The following RBFOX1 variants were observed in gnomAD, a reference collection of about 807,000 sequenced individuals.
RBFOX1 encodes RNA binding protein fox-1 homolog 1.
In RBFOX1, 8 loss-of-function variants were observed where a neutral mutation model predicts 57.7. The ratio of observed to expected loss-of-function variants is 0.14; its 90% confidence interval spans 0.08 to 0.25. The LOEUF (loss-of-function observed/expected upper bound fraction) is 0.25. Ranked by LOEUF, RBFOX1 falls within the 10% of genes least tolerant of loss-of-function variation. The probability of loss-of-function intolerance (pLI) is 1.00; values close to 1 mark genes in which losing one functional copy is unlikely to be tolerated. For missense variants in RBFOX1, 611 were observed against 548.5 expected (o/e 1.11, Z -1.14); for synonymous variants, 326 against 222.4 (o/e 1.47, Z -4.15).
chr16:7,054,328 C>G (rs2051281721), intron 4 of RBFOX1, among the ~76,000 whole-genome samples: 1 of 141,402 alleles, frequency 7.1e-6, no homozygotes, highest in African/African-American at 2.6e-5. Flanking sequence ...CAACCTCTGA[C>G]TCCCTGGTTT....
intron 3 of RBFOX1, among the ~76,000 whole-genome samples, chr16:6,843,797 A>G (rs147020949): frequency 6.9e-4 from 105 of 152,332 alleles, no homozygotes; most frequent in African/African-American, 2.4e-3. Flanking sequence ...TTCCATGCCA[A>G]AAGAAATAAC....
intron 1 of RBFOX1, among the ~76,000 whole-genome samples, chr16:5,372,670 G>T (rs192376615): frequency 6.6e-6 from 1 of 152,242 alleles, no homozygotes; most frequent in East Asian, 1.9e-4. Context: ...GAACAGAATC[G>T]GCTTTGCAAG....
At chr16:7,615,661 C>G (rs909963011) in intron 10 of RBFOX1, among the ~76,000 whole-genome samples, 2 of 152,034 alleles carry the variant, frequency 1.3e-5, no homozygotes, top group African/African-American at 4.8e-5. Context: ...AGTGACCTTT[C>G]TCTTAGGGGA....
chr16:5,947,282 C>T lies in RBFOX1; in HGVS notation c.351+79947C>T, dbSNP rs984949952. On this transcript the variant is annotated intron_variant, in intron 4 of 19. Transcript: ENST00000641259. The surrounding 1 kb of genome is among the most constrained non-coding windows in gnomAD (Gnocchi z 7.2). Reference sequence around the variant, plus strand: ...AGCACAGTGGGTAAGGAGGAGGTGGCCAAGCTGAGGTCAGAGGGGGAGGTC... The same window carrying T: ...AGCACAGTGGGTAAGGAGGAGGTGGTCAAGCTGAGGTCAGAGGGGGAGGTC... Among the ~76,000 whole-genome samples the T allele has an allele frequency of 1.2e-4, 19 of 152,080 alleles. No homozygotes were observed. Among genetic ancestry groups the T allele is most frequent in the Admixed American group, 1.2e-3 (19 of 15,272 alleles).
chr16:7,093,630 AG>A (rs1326229628), intron 4 of RBFOX1, among the ~76,000 whole-genome samples: 2 of 152,088 alleles, frequency 1.3e-5, no homozygotes, highest in Non-Finnish European at 1.5e-5. Flanking sequence ...AATGAATGGG[AG>A]CTCATTTGTG....
intron 4 of RBFOX1, among the ~76,000 whole-genome samples, chr16:7,430,152 C>G (rs1598259391): frequency 1.3e-5 from 2 of 152,232 alleles, no homozygotes; most frequent in South Asian, 4.1e-4. Flanking sequence ...ATGAGCTTAT[C>G]ATTAATCTAG....
chr16:6,720,563 C>T (rs2065781689), intron 3 of RBFOX1, among the ~76,000 whole-genome samples: 1 of 152,128 alleles, frequency 6.6e-6, no homozygotes, highest in African/African-American at 2.4e-5. Flanking sequence ...AGGCCCTGAG[C>T]TGGAAGGAGC....
At chr16:7,663,653 C>T (rs573389015) in intron 12 of RBFOX1, among the ~76,000 whole-genome samples, 1 of 152,122 alleles carries the variant, frequency 6.6e-6, no homozygotes, top group South Asian at 2.1e-4. Flanking sequence ...CAGCTTCATT[C>T]AATGGTGGGG....
chr16:7,567,563 C>T (rs1261548816), intron 5 of RBFOX1, among the ~76,000 whole-genome samples: 3 of 84,318 alleles, frequency 3.6e-5, no homozygotes, highest in Non-Finnish European at 5.6e-5. Context: ...CTATATATGG[C>T]CCTATATATA....
At chr16:6,895,420 G>A (rs1339237872) in intron 3 of RBFOX1, among the ~76,000 whole-genome samples, 20 of 33,848 alleles carry the variant, frequency 5.9e-4, no homozygotes, top group African/African-American at 1.3e-3. Flanking sequence ...AGTAATATAT[G>A]TGTGTGTGTG....
At chr16:6,452,745 A>T (rs1425984822) in intron 2 of RBFOX1, among the ~76,000 whole-genome samples, 5 of 152,160 alleles carry the variant, frequency 3.3e-5, no homozygotes, top group African/African-American at 9.7e-5. Flanking sequence ...TTTAAAGTGG[A>T]TCCTTGTGCC....
chr16:7,233,032 C>A (rs1210136729), intron 4 of RBFOX1, among the ~76,000 whole-genome samples: 1 of 152,086 alleles, frequency 6.6e-6, no homozygotes, highest in African/African-American at 2.4e-5. Flanking sequence ...GGCTACATTT[C>A]CCTTTTCAAT....
intron 1 of RBFOX1, among the ~76,000 whole-genome samples, chr16:5,430,540 G>A (rs1032807362): frequency 3.3e-5 from 5 of 152,164 alleles, no homozygotes; most frequent in Admixed American, 1.3e-4. Flanking sequence ...ATCTTGCGGC[G>A]AGCAAGGCGG....
chr16:7,492,326 G>C (rs1175796738), intron 4 of RBFOX1, among the ~76,000 whole-genome samples: 1 of 151,962 alleles, frequency 6.6e-6, no homozygotes, highest in Non-Finnish European at 1.5e-5. Flanking sequence ...AAAAATGGGG[G>C]TCAACTTTTC....
chr16:7,337,175 G>T (rs1376805922), intron 4 of RBFOX1, among the ~76,000 whole-genome samples: 1 of 152,134 alleles, frequency 6.6e-6, no homozygotes, highest in Non-Finnish European at 1.5e-5. Context: ...CAAAGAATGC[G>T]AGTGGTATAG....
intron 3 of RBFOX1, among the ~76,000 whole-genome samples, chr16:6,728,866 G>T (rs1399727359): frequency 1.3e-5 from 2 of 152,074 alleles, no homozygotes; most frequent in Non-Finnish European, 2.9e-5. Flanking sequence ...GGCCAGAGAA[G>T]AACTGATGAA....
At chr16:7,709,240 G>T (rs1485341079) in intron 15 of RBFOX1, 109 bp downstream of exon 15, 3 of 1,144,954 alleles carry the variant, frequency 2.6e-6, no homozygotes, top group East Asian at 2.5e-5. Context: ...AATTGAATTT[G>T]TCTCTTGTGC....
At position 5,451,721 on chromosome 16, in the gene RBFOX1, T is replaced by C. The variant is rs140148877; in HGVS notation, c.220-15495T>C. ...TTTTAATGATAGGCAGTGTCTCTTA[T>C]CCTGTCCGGGTTCCACATACGGATA... On this transcript the variant is annotated intron_variant, in intron 1 of 2. Coordinates refer to the RBFOX1 transcript ENST00000585867. Among the ~76,000 whole-genome samples, 1,123 of 152,342 alleles carry C rather than the reference T, an allele frequency of 7.4e-3. 6 individuals are homozygous for C. The highest frequency in any genetic ancestry group is 0.017 in the Middle Eastern group (5 of 294).
chr16:6,514,620 C>T (rs373063653), intron 2 of RBFOX1, among the ~76,000 whole-genome samples: 3 of 152,124 alleles, frequency 2.0e-5, no homozygotes, highest in Non-Finnish European at 4.4e-5. Context: ...TTTGTGTACC[C>T]CTCACATGCC....
Sources: gnomAD v4.1 joint callset for allele counts (sites outside exome capture counted in the v4.1 genomes callset) on GRCh38, gnomAD v4.1.1 for gene constraint, Gnocchi (gnomAD v3.1) non-coding constraint, MANE v1.5 for transcripts, NCBI Gene and HGNC (gene_info 2026-07-23, HGNC 2026-07-21) for gene names.